ANKRD16: variants seen among roughly 807,000 people sequenced by gnomAD.
The protein encoded by ANKRD16 is ankyrin repeat domain 16.
In ANKRD16, 35 loss-of-function variants were observed where a neutral mutation model predicts 37.9. That is an observed-to-expected ratio of 0.92 (90% CI 0.71 to 1.23). The LOEUF (loss-of-function observed/expected upper bound fraction) is 1.23. Among genes scored for constraint, ANKRD16 ranks in the 50% most tolerant of loss-of-function variants. The pLI is 0.00. For synonymous variants in ANKRD16, 206 were observed against 197.2 expected (o/e 1.04, Z -0.37); for missense variants, 480 against 469.9 (o/e 1.02, Z -0.20).
chr10:5,884,128 C>T, intron 3 of ANKRD16, 51 bp from the exon 4 acceptor site: 1 of 1,444,798 alleles, frequency 6.9e-7, no homozygotes, highest in Non-Finnish European at 9.7e-7. Context: ...ACCTCAAACC[C>T]AGGGGACAGT....
At chr10:5,881,438 TTATATATATATATATATATATATA>T (rs869185709) in intron 5 of ANKRD16, among the ~76,000 whole-genome samples, 12 of 51,026 alleles carry the variant, frequency 2.4e-4, no homozygotes, top group South Asian at 6.2e-4. Flanking sequence ...AAAATATTAT[TTATATATATATATATATATATATA>T]TATATATATA....
At chr10:5,881,438 T>TTATATATATATATATATATATATATA (rs869185709) in intron 5 of ANKRD16, among the ~76,000 whole-genome samples, 1 of 51,022 alleles carries the variant, frequency 2.0e-5, no homozygotes, top group Non-Finnish European at 3.8e-5. Flanking sequence ...AAAATATTAT[T>TTATATATATATATATATATATATATA]TATATATATA....
rs531148755 is a variant in ANKRD16, at chr10:5,870,030, T to C, written c.*34-7339A>G. Among the ~76,000 whole-genome samples the C allele has an allele frequency of 1.3e-5, 2 of 152,234 alleles. No individual in the cohort carries two copies. The highest frequency in any genetic ancestry group is 2.1e-4 in the South Asian group (1 of 4,826). On this transcript the variant is annotated intron_variant, in intron 7 of 7. Coordinates refer to ENST00000380094, the MANE Select transcript of ANKRD16 (RefSeq NM_019046.3). This position sits in a 1 kb window ranked among gnomAD's most constrained non-coding sequence, Gnocchi z 5.0. ...TCCCTAGGTTTGAAGGAATCTGCAT[T>C]TTAACAAGACTCTAGTTGCTTCGTA...
rs1479942087 is a variant in ANKRD16 at position 5,864,938 on chromosome 10, A to C, written c.*34-2247T>G. The stretch of plus-strand genomic sequence containing the variant: ...ACTCACTCGAGGGTCAATTGATCCT[A>C]AAAGGTAAGTTTATTATCCAATCAG... On this transcript the variant is annotated intron_variant, in intron 7 of 7. Transcript: ENST00000380094. The surrounding 1 kb of genome is among the most constrained non-coding windows in gnomAD (Gnocchi z 4.4). Among the ~76,000 whole-genome samples the C allele has an allele frequency of 1.3e-5, 2 of 152,186 alleles. No homozygotes were observed. Among genetic ancestry groups the C allele is most frequent in the Non-Finnish European group, 2.9e-5 (2 of 68,036 alleles).
rs373318045 is a variant in ANKRD16 at position 5,883,065 on chromosome 10, C to T, written c.790G>A (p.Val264Ile). 7.7e-5 allele frequency: 124 copies of T among 1,614,002 alleles called. 1 individual carries two copies. The highest frequency in any genetic ancestry group is 1.6e-4 in the Middle Eastern group (1 of 6,084). The change falls in exon 5 of 8, where the codon GTC becomes ATC. Residue 264 changes from valine to isoleucine, a missense_variant. Val to Ile is a conservative substitution (Grantham distance 29). Transcript: ENST00000380094. ...GATGTGGCTCTCACATCTACATCGA[C>T]GCCAAGTTCAGAGACCAAGAATCGG... ...AIRFLVSELG[V>I]DVDVRATSTH...
rs1842578811 is a variant in ANKRD16, at chr10:5,889,803, C to G, written c.-449G>C. On this transcript the variant is annotated 5_prime_UTR_variant, in exon 1 of 8. Transcript: ENST00000380094. ...CCAAAGTGGAGGGTCCGGGAGGGCG[C>G]GCACAGCCTCGCCCGGCGCCGTGCA... The G allele has an allele frequency of 6.4e-6, 1 of 156,136 alleles. No homozygotes were observed. Among genetic ancestry groups the G allele is most frequent in the South Asian group, 2.1e-4 (1 of 4,870 alleles). The allele number at this position is 156,136 out of a possible 1,614,324, so 9.7% of individuals were successfully genotyped here.
chr10:5,878,025 G>A lies in ANKRD16; in HGVS notation c.*33+72C>T. 1 of 1,460,946 alleles carries A rather than the reference G, an allele frequency of 6.8e-7. No homozygotes were observed. The highest frequency in any genetic ancestry group is 2.3e-5 in the East Asian group (1 of 43,074). The allele number at this position is 1,460,946 out of a possible 1,614,324, so 90.5% of individuals were successfully genotyped here. A position where few individuals can be genotyped will look rare whatever the true frequency, so the allele number is the denominator to read the frequency against. On this transcript the variant is annotated intron_variant, in intron 7 of 7. Transcript: ENST00000380094. The surrounding 1 kb of genome is among the most constrained non-coding windows in gnomAD (Gnocchi z 5.1). ...AGGATGAGGGAAGGGAGGAAGTGGAGGAGATGGAAAACTGGCTTCCAACTG... is the reference window on the plus strand; with the variant it reads ...AGGATGAGGGAAGGGAGGAAGTGGAAGAGATGGAAAACTGGCTTCCAACTG...
In ANKRD16 at chr10:5,862,581, T is replaced by G; in HGVS notation, c.*144A>C. The G allele has an allele frequency of 7.8e-7, 1 of 1,287,256 alleles. No homozygotes were observed. Among genetic ancestry groups the G allele is most frequent in the Non-Finnish European group, 1.0e-6 (1 of 987,888 alleles). 79.7% of individuals were successfully genotyped at this position (1,287,256 alleles called of 1,614,324 possible). On this transcript the variant is annotated 3_prime_UTR_variant, in exon 8 of 8. Transcript: ENST00000380094. The surrounding 1 kb of genome is among the most constrained non-coding windows in gnomAD (Gnocchi z 6.5). ...ATATACAACTTTGATCTCGCTGGGGTCAAACGTAGGTGGCTGCGGTTGGTT... is the reference window on the plus strand; with the variant it reads ...ATATACAACTTTGATCTCGCTGGGGGCAAACGTAGGTGGCTGCGGTTGGTT...
At chr10:5,888,934 AGGAGCTGAG>A in intron 1 of ANKRD16, 98 bp downstream of exon 1, 27 of 1,238,292 alleles carry the variant, frequency 2.2e-5, no homozygotes, top group Non-Finnish European at 2.8e-5. Context: ...GGTGAGAACT[AGGAGCTGAG>A]AACAGCTACG....
At chr10:5,872,253 C>T (rs550199791) in intron 7 of ANKRD16, among the ~76,000 whole-genome samples, 16 of 151,928 alleles carry the variant, frequency 1.1e-4, no homozygotes, top group Admixed American at 2.0e-4. Context: ...CTGAGGCGGG[C>T]GCATCACTCG....
Position 5,878,323 on chromosome 10 carries a change from C to T in ANKRD16, c.929-36G>A. ...ACAAAAATCACATGGACTTAAAACA[C>T]AATCCCTGGAGCAATACTGACCTCA... On this transcript the variant is annotated intron_variant, in intron 6 of 7. Coordinates refer to ENST00000380094, the MANE Select transcript of ANKRD16 (RefSeq NM_019046.3). The surrounding 1 kb of genome is among the most constrained non-coding windows in gnomAD (Gnocchi z 5.1). The T allele has an allele frequency of 6.3e-7, 1 of 1,595,612 alleles. No individual in the cohort carries two copies.
chr10:5,878,358 A>G lies in ANKRD16; in HGVS notation c.929-71T>C. On this transcript the variant is annotated intron_variant, in intron 6 of 7. Transcript: ENST00000380094. This position sits in a 1 kb window ranked among gnomAD's most constrained non-coding sequence, Gnocchi z 5.1. Reference sequence around the variant, plus strand: ...AGCAATACTGACCTCATGAGTTGATAGTGCCCAATAAAAATATCAATTCTT... The same window carrying G: ...AGCAATACTGACCTCATGAGTTGATGGTGCCCAATAAAAATATCAATTCTT... 7.4e-7 allele frequency: 1 copy of G among 1,343,564 alleles called. No homozygotes were observed. Among genetic ancestry groups the G allele is most frequent in the South Asian group, 1.5e-5 (1 of 68,864 alleles). 83.2% of individuals were successfully genotyped at this position (1,343,564 alleles called of 1,614,324 possible).
At chr10:5,872,262 C>T (rs578170398) in intron 7 of ANKRD16, among the ~76,000 whole-genome samples, 23 of 152,072 alleles carry the variant, frequency 1.5e-4, no homozygotes, top group East Asian at 1.9e-4. Context: ...GCGCATCACT[C>T]GAGGTCAGGA....
chr10:5,887,201 G>C (rs1299675645), intron 2 of ANKRD16, among the ~76,000 whole-genome samples: 2 of 152,294 alleles, frequency 1.3e-5, no homozygotes, highest in African/African-American at 4.8e-5. Flanking sequence ...GCTCAAGAGA[G>C]AGACTAATTT....
At chr10:5,884,209 T>C (rs1297247646) in intron 3 of ANKRD16, 132 bp from the exon 4 acceptor site, 4 of 660,742 alleles carry the variant, frequency 6.1e-6, no homozygotes, top group East Asian at 2.8e-5. Flanking sequence ...CTCTCTATTC[T>C]CCCCCATCTC....
intron 7 of ANKRD16, among the ~76,000 whole-genome samples, chr10:5,872,216 C>T (rs1482794264): frequency 6.6e-6 from 1 of 152,160 alleles, no homozygotes; most frequent in African/African-American, 2.4e-5. Context: ...TGGTGGCTCA[C>T]ACCTGTAAAC....
rs1050290202 is a variant in ANKRD16, at chr10:5,883,911, C to A, written c.687+58G>T. 2.9e-5 allele frequency: 43 copies of A among 1,493,388 alleles called. No individual in the cohort carries two copies. In the African/African-American group the frequency reaches 5.4e-4, roughly 19 times the overall value. 92.5% of individuals were successfully genotyped at this position (1,493,388 alleles called of 1,614,324 possible). ...TGAGTAACAATGTGCTCTGCTTAACCTGTGACCTAAAATTTATAGGAAGAA... is the reference window on the plus strand; with the variant it reads ...TGAGTAACAATGTGCTCTGCTTAACATGTGACCTAAAATTTATAGGAAGAA... On this transcript the variant is annotated intron_variant, in intron 4 of 7. Coordinates refer to ENST00000380094, the MANE Select transcript of ANKRD16 (RefSeq NM_019046.3).
In ANKRD16 at chr10:5,889,355, C is replaced by T. The variant is rs986404505; in HGVS notation, c.-1G>A. The stretch of plus-strand genomic sequence containing the variant: ...GCCGCGGGTCCCCGGGCTGGGCCAT[C>T]GCCGCGGGTCGGGCCGGGCTGCGCG... On this transcript the variant is annotated 5_prime_UTR_variant, in exon 1 of 8. Coordinates refer to ENST00000380094, the MANE Select transcript of ANKRD16 (RefSeq NM_019046.3). 5 of 1,222,988 alleles carry T rather than the reference C, an allele frequency of 4.1e-6. No individual in the cohort carries two copies. The highest frequency in any genetic ancestry group is 5.1e-6 in the Non-Finnish European group (5 of 984,286). The allele number at this position is 1,222,988 out of a possible 1,614,324, so 75.8% of individuals were successfully genotyped here. A position where few individuals can be genotyped will look rare whatever the true frequency, so the allele number is the denominator to read the frequency against.
intron 7 of ANKRD16, among the ~76,000 whole-genome samples, chr10:5,873,362 T>TG (rs1300284835): frequency 6.6e-6 from 1 of 150,574 alleles, no homozygotes. Context: ...TTAGCAGAGA[T>TG]GGGGTTTCAC....
Sources: allele counts gnomAD v4.1 joint callset (sites outside exome capture counted in the v4.1 genomes callset), GRCh38; gene constraint gnomAD v4.1.1; non-coding constraint Gnocchi (gnomAD v3.1); transcripts MANE v1.5; gene names NCBI Gene and HGNC (gene_info 2026-07-23, HGNC 2026-07-21).